The following ADAM18 variants were observed in gnomAD, a reference collection of about 807,000 sequenced individuals.
ADAM18 encodes ADAM metallopeptidase domain 18.
Under a neutral mutation model 94.4 loss-of-function variants are expected in ADAM18, and 117 were observed. The observed-to-expected ratio is 1.24, with a 90% CI of 1.07 to 1.45. ADAM18 has a LOEUF of 1.45. Among genes scored for constraint, ADAM18 ranks in the 40% most tolerant of loss-of-function variants. The probability of loss-of-function intolerance (pLI) is 0.00; values close to 1 mark genes in which losing one functional copy is unlikely to be tolerated. For missense variants in ADAM18, 936 were observed against 880.0 expected (o/e 1.06, Z -0.81); for synonymous variants, 327 against 291.6 (o/e 1.12, Z -1.24).
intron 18 of ADAM18, among the ~76,000 whole-genome samples, chr8:39,718,081 G>A (rs1822630064): frequency 1.3e-5 from 2 of 151,392 alleles, no homozygotes; most frequent in Non-Finnish European, 3.0e-5. Flanking sequence ...ACAAATAAAG[G>A]ATGTGAAGAA....
intron 6 of ADAM18, among the ~76,000 whole-genome samples, chr8:39,615,761 T>C (rs1378402751): frequency 6.6e-6 from 1 of 151,850 alleles, no homozygotes; most frequent in Non-Finnish European, 1.5e-5. Context: ...AGAGAAGAGG[T>C]CAATCTCTCT....
chr8:39,650,636 G>A (rs768660659), intron 12 of ADAM18, among the ~76,000 whole-genome samples: 1 of 152,040 alleles, frequency 6.6e-6, no homozygotes, highest in Non-Finnish European at 1.5e-5. Context: ...AGGAATGAAA[G>A]GAAACAAATT....
At chr8:39,678,572 C>T (rs1202012976) in intron 15 of ADAM18, among the ~76,000 whole-genome samples, 2 of 152,068 alleles carry the variant, frequency 1.3e-5, no homozygotes, top group Non-Finnish European at 2.9e-5. Context: ...ATACAGAGCA[C>T]CAGGGGCCAG....
Position 39,663,871 on chromosome 8 carries a change from G to C in ADAM18, c.1307G>C (p.Cys436Ser), listed in dbSNP as rs772328171. 1 of 1,611,062 alleles carries C rather than the reference G, an allele frequency of 6.2e-7. No individual in the cohort carries two copies. The highest frequency in any genetic ancestry group is 8.5e-7 in the Non-Finnish European group (1 of 1,179,032). ...KGSVKCGSGP[C>S]CTSKCELSIA... ...TCAGTAAAATGTGGTTCTGGACCAT[G>C]TTGTACATCAAAGTGTGAGGTAAGT... Residue 436 changes from cysteine (C) to serine (S), a missense_variant, in exon 13 of 20, where the codon TGT becomes TCT. By Grantham distance (112) the Cys-to-Ser change is moderately radical (BLOSUM62 -1). Transcript: ENST00000265707.
intron 16 of ADAM18, among the ~76,000 whole-genome samples, chr8:39,680,782 G>A (rs1821435919): frequency 6.6e-6 from 1 of 152,126 alleles, no homozygotes; most frequent in African/African-American, 2.4e-5. Flanking sequence ...TGCAATATAA[G>A]GGCACATGTT....
At chr8:39,641,409 T>G (rs2129579404) in intron 10 of ADAM18, among the ~76,000 whole-genome samples, 1 of 152,242 alleles carries the variant, frequency 6.6e-6, no homozygotes, top group Middle Eastern at 3.4e-3. Flanking sequence ...TGTTATATAG[T>G]TTGTTGTACA....
intron 7 of ADAM18, among the ~76,000 whole-genome samples, chr8:39,636,015 T>TC (rs1407538407): frequency 6.7e-6 from 1 of 150,354 alleles, no homozygotes; most frequent in East Asian, 1.9e-4. Context: ...TTTTGTTTTT[T>TC]TTTTTTTGAG....
chr8:39,647,033 A>G (rs1235754064), intron 11 of ADAM18, among the ~76,000 whole-genome samples: 2 of 152,058 alleles, frequency 1.3e-5, no homozygotes, highest in Non-Finnish European at 1.5e-5. Context: ...GTCAGGTGGG[A>G]CGAGAGACTG....
chr8:39,726,249 A>G (rs1379632462), intron 19 of ADAM18, among the ~76,000 whole-genome samples: 1 of 70,862 alleles, frequency 1.4e-5, no homozygotes, highest in Non-Finnish European at 2.9e-5. Context: ...ATTCACTTGT[A>G]TGAGATCTAC....
intron 19 of ADAM18, among the ~76,000 whole-genome samples, chr8:39,724,202 C>G (rs1371642368): frequency 6.6e-6 from 1 of 151,732 alleles, no homozygotes; most frequent in Non-Finnish European, 1.5e-5. Context: ...AGTTAGATCT[C>G]ATTACACATT....
At chr8:39,641,302 T>A (rs535433955) in intron 10 of ADAM18, among the ~76,000 whole-genome samples, 7 of 152,270 alleles carry the variant, frequency 4.6e-5, no homozygotes, top group South Asian at 4.1e-4. Context: ...CAGACAGTTG[T>A]ATGTGTGTGG....
In ADAM18 at chr8:39,617,921, C is replaced by T. The variant is rs538800166; in HGVS notation, c.522+7215C>T. 1.4e-4 allele frequency among the ~76,000 whole-genome samples: 22 copies of T among 152,182 alleles called. No individual in the cohort carries two copies. The South Asian group carries it at 4.6e-3, about 32-fold the overall frequency. ...ACACATTGATCTGTACATTAAACCC[C>T]TGTGACATGCAATTTACCTATGTAT... is the stretch of plus-strand genomic sequence containing the variant. On this transcript the variant is annotated intron_variant, in intron 6 of 19. Transcript: ENST00000265707.
At chr8:39,613,546 C>A (rs1197284501) in intron 6 of ADAM18, among the ~76,000 whole-genome samples, 1 of 152,182 alleles carries the variant, frequency 6.6e-6, no homozygotes, top group Non-Finnish European at 1.5e-5. Flanking sequence ...AGCACAAGAA[C>A]TCTGGCAACT....
chr8:39,628,907 A>G (rs186955392), intron 6 of ADAM18, among the ~76,000 whole-genome samples: 3 of 152,190 alleles, frequency 2.0e-5, no homozygotes, highest in Non-Finnish European at 4.4e-5. Flanking sequence ...TAACATAATA[A>G]CCTATAAATC....
chr8:39,716,863 T>C (rs1002550400), intron 18 of ADAM18, among the ~76,000 whole-genome samples: 3 of 151,900 alleles, frequency 2.0e-5, no homozygotes, highest in African/African-American at 7.2e-5. Context: ...GTTTGCTTTA[T>C]ATACTTATGT....
intron 2 of ADAM18, among the ~76,000 whole-genome samples, chr8:39,589,234 T>G (rs974998367): frequency 6.6e-6 from 1 of 152,234 alleles, no homozygotes; most frequent in Non-Finnish European, 1.5e-5. Context: ...AGCCAACTCC[T>G]TAATGTTACT....
At chr8:39,691,405 A>G (rs1023596321) in intron 16 of ADAM18, among the ~76,000 whole-genome samples, 1 of 152,088 alleles carries the variant, frequency 6.6e-6, no homozygotes, top group East Asian at 1.9e-4. Context: ...AATATGGAAA[A>G]CAGTATGGTG....
At chr8:39,658,964 T>G (rs901618304) in intron 12 of ADAM18, among the ~76,000 whole-genome samples, 1 of 152,116 alleles carries the variant, frequency 6.6e-6, no homozygotes, top group Non-Finnish European at 1.5e-5. Context: ...AATAATATAT[T>G]TTTCAAAATT....
chr8:39,610,416 A>G, intron 5 of ADAM18, 113 bp from the exon 6 acceptor site: 1 of 1,261,178 alleles, frequency 7.9e-7, no homozygotes, highest in Non-Finnish European at 1.0e-6. Flanking sequence ...ATGGGCTTAA[A>G]ATGTGTTCTT....
Sources: allele counts gnomAD v4.1 joint callset (sites outside exome capture counted in the v4.1 genomes callset), GRCh38; gene constraint gnomAD v4.1.1; transcripts MANE v1.5; gene names NCBI Gene and HGNC (gene_info 2026-07-23, HGNC 2026-07-21).